FREM2: variants seen among roughly 807,000 people sequenced by gnomAD.
FREM2 encodes the protein FRAS1-related extracellular matrix protein 2.
In FREM2, 119 loss-of-function variants were observed where a neutral mutation model predicts 219.9. The ratio of observed to expected loss-of-function variants is 0.54; its 90% CI spans 0.47 to 0.63. The LOEUF is 0.63. Ranked by LOEUF, FREM2 falls within the 30% of genes least tolerant of loss-of-function variation. The pLI is 0.00. For missense variants in FREM2, 4,030 were observed against 3,993.6 expected (o/e 1.01, Z -0.25); for synonymous variants, 1,562 against 1,522.8 (o/e 1.03, Z -0.60).
intron 2 of FREM2, among the ~76,000 whole-genome samples, chr13:38,708,279 A>G (rs1870619948): frequency 6.6e-6 from 1 of 152,136 alleles, no homozygotes; most frequent in South Asian, 2.1e-4. Context: ...TTCCAGTGCA[A>G]TTCTAATGGA....
chr13:38,877,410 G>T (rs1374252110), intron 21 of FREM2, among the ~76,000 whole-genome samples, 167 bp downstream of exon 21: 1 of 152,044 alleles, frequency 6.6e-6, no homozygotes, highest in Admixed American at 6.6e-5. Context: ...GTTGCGATTG[G>T]GTATATGTAA....
chr13:38,720,803 G>T (rs1465107747), intron 2 of FREM2, among the ~76,000 whole-genome samples: 1 of 152,186 alleles, frequency 6.6e-6, no homozygotes, highest in Admixed American at 6.5e-5. Flanking sequence ...GATAGGATGA[G>T]TCCTCTCAAC....
intron 6 of FREM2, among the ~76,000 whole-genome samples, chr13:38,798,667 T>A (rs1445340169): frequency 6.6e-6 from 1 of 152,116 alleles, no homozygotes; most frequent in Non-Finnish European, 1.5e-5. Flanking sequence ...CTGTTCAGAT[T>A]TTCTATTTCT....
At chr13:38,808,080 A>T (rs1875322884) in intron 6 of FREM2, among the ~76,000 whole-genome samples, 1 of 151,998 alleles carries the variant, frequency 6.6e-6, no homozygotes, top group South Asian at 2.1e-4. Context: ...CTACGTCAGC[A>T]CTTGCTGCTT....
intron 2 of FREM2, among the ~76,000 whole-genome samples, chr13:38,761,983 G>A (rs1179813717): frequency 6.6e-6 from 1 of 152,210 alleles, no homozygotes; most frequent in Non-Finnish European, 1.5e-5. Flanking sequence ...GGGCAAAGGA[G>A]AAAGGAGCAC....
chr13:38,866,873 T>C (rs896513890), intron 16 of FREM2, among the ~76,000 whole-genome samples: 3 of 152,216 alleles, frequency 2.0e-5, no homozygotes, highest in African/African-American at 4.8e-5. Context: ...TATCCTATTA[T>C]ATCTGTCCAC....
At chr13:38,824,905 C>G (rs1314523966) in intron 6 of FREM2, among the ~76,000 whole-genome samples, 2 of 151,390 alleles carry the variant, frequency 1.3e-5, no homozygotes, top group African/African-American at 2.4e-5. Context: ...TTCATTTAAA[C>G]TATAAACTAA....
At position 38,861,556 on chromosome 13, in the gene FREM2, A is replaced by G. The variant is rs756410657; in HGVS notation, c.7645A>G (p.Ile2549Val). 5.0e-6 allele frequency: 8 copies of G among 1,614,092 alleles called. No homozygotes were observed. In the South Asian group the frequency reaches 5.5e-5, roughly 11 times the overall value. Reference sequence around the variant, plus strand: ...CAAGCTCACTGTCACAATGCCACACATAGATGGTAGGTGACTTGGGTAAGC... The same window carrying G: ...CAAGCTCACTGTCACAATGCCACACGTAGATGGTAGGTGACTTGGGTAAGC... ...LIKLTVTMPH[I>V]DGMLPVISTR... Residue 2549 changes from isoleucine to valine, a missense_variant, in exon 15 of 24, where the codon ATA becomes GTA. Around this residue, in one of 2 missense-constraint regions of FREM2, gnomAD observed 928 missense variants for 1,042.9 expected, o/e 0.89. Coordinates refer to ENST00000280481, the MANE Select transcript of FREM2 (RefSeq NM_207361.6).
chr13:38,869,675 G>A (rs1272959733), intron 16 of FREM2, among the ~76,000 whole-genome samples: 1 of 152,180 alleles, frequency 6.6e-6, no homozygotes, highest in Non-Finnish European at 1.5e-5. Flanking sequence ...AAGCAAAATA[G>A]AGATGAATTA....
intron 2 of FREM2, among the ~76,000 whole-genome samples, chr13:38,725,347 T>G (rs1871473410): frequency 6.6e-6 from 1 of 151,522 alleles, no homozygotes; most frequent in Non-Finnish European, 1.5e-5. Context: ...TAGGTGGTTG[T>G]CAGCCATGAT....
intron 6 of FREM2, among the ~76,000 whole-genome samples, chr13:38,819,533 T>C (rs1875935361): frequency 6.6e-6 from 1 of 152,140 alleles, no homozygotes; most frequent in African/African-American, 2.4e-5. Flanking sequence ...TTTACAGATA[T>C]GTAGTCTGCT....
At chr13:38,865,836 T>A (rs1224199114) in intron 16 of FREM2, among the ~76,000 whole-genome samples, 1 of 152,246 alleles carries the variant, frequency 6.6e-6, no homozygotes, top group Non-Finnish European at 1.5e-5. Flanking sequence ...AATTTGGCTC[T>A]GATAGTTTCT....
intron 6 of FREM2, among the ~76,000 whole-genome samples, chr13:38,806,899 A>G (rs1438734792): frequency 6.6e-6 from 1 of 151,664 alleles, no homozygotes; most frequent in African/African-American, 2.4e-5. Flanking sequence ...CATTTGAACA[A>G]TGTTTACACC....
chr13:38,791,892 A>G (rs1027153336), intron 6 of FREM2, among the ~76,000 whole-genome samples: 2 of 152,234 alleles, frequency 1.3e-5, no homozygotes, highest in South Asian at 2.1e-4. Flanking sequence ...GCACTTTGCC[A>G]GTAGTATATT....
At chr13:38,871,207 C>A (rs1359718842) in intron 16 of FREM2, among the ~76,000 whole-genome samples, 1 of 152,094 alleles carries the variant, frequency 6.6e-6, no homozygotes, top group South Asian at 2.1e-4. Context: ...TGGTTCTTTT[C>A]TATATATTTT....
intron 2 of FREM2, among the ~76,000 whole-genome samples, chr13:38,756,929 A>T (rs769923039): frequency 3.3e-5 from 5 of 152,130 alleles, no homozygotes; most frequent in Non-Finnish European, 7.4e-5. Context: ...TGTGAATAGG[A>T]TACTTCTTTA....
At chr13:38,810,227 G>T (rs539935371) in intron 6 of FREM2, among the ~76,000 whole-genome samples, 42 of 141,252 alleles carry the variant, frequency 3.0e-4, no homozygotes, top group Non-Finnish European at 5.5e-4. Context: ...GAATTTTTAG[G>T]TTTTTTTTCT....
intron 3 of FREM2, among the ~76,000 whole-genome samples, chr13:38,765,268 T>G (rs908244135): frequency 1.3e-5 from 2 of 152,202 alleles, no homozygotes. Flanking sequence ...ATATTGGTAC[T>G]TTTAAGCAGC....
At chr13:38,852,238 ACTTT>A (rs1877398852) in intron 11 of FREM2, among the ~76,000 whole-genome samples, 1 of 152,110 alleles carries the variant, frequency 6.6e-6, no homozygotes, top group African/African-American at 2.4e-5. Flanking sequence ...GCAGTATTTG[ACTTT>A]CTGTTTCTGA....
Sources: gnomAD v4.1 joint callset for allele counts (sites outside exome capture counted in the v4.1 genomes callset) on GRCh38, gnomAD v4.1.1 for gene constraint, gnomAD v4.1.1 regional missense constraint, MANE v1.5 for transcripts, NCBI Gene and HGNC (gene_info 2026-07-23, HGNC 2026-07-21) for gene names.